The following GAS7 variants were observed in gnomAD, a reference collection of about 807,000 sequenced individuals.
GAS7 encodes the protein growth arrest-specific protein 7.
Under a neutral mutation model 71.1 loss-of-function variants are expected in GAS7, and 28 were observed. That is an observed-to-expected ratio of 0.39 (90% confidence interval 0.29 to 0.54). GAS7 has a LOEUF of 0.54. Among genes scored for constraint, GAS7 ranks in the 20% least tolerant of loss-of-function variants. GAS7 has a pLI of 0.62. For synonymous variants in GAS7, 258 were observed against 245.8 expected (o/e 1.05, Z -0.46); for missense variants, 436 against 627.8 (o/e 0.69, Z 3.27).
intron 2 of GAS7, among the ~76,000 whole-genome samples, chr17:10,017,153 T>C (rs1016522430): frequency 3.0e-5 from 4 of 134,740 alleles, no homozygotes; most frequent in African/African-American, 1.3e-4. Flanking sequence ...AATAAATAAA[T>C]AAATAAATAA....
At chr17:9,962,912 T>C (rs1048672861) in intron 4 of GAS7, among the ~76,000 whole-genome samples, 2 of 152,060 alleles carry the variant, frequency 1.3e-5, no homozygotes, top group African/African-American at 2.4e-5. Flanking sequence ...CCACATGCCC[T>C]GTCCAGCTAT....
chr17:10,061,764 G>A (rs764303153), intron 1 of GAS7, among the ~76,000 whole-genome samples: 17 of 152,072 alleles, frequency 1.1e-4, no homozygotes, highest in Non-Finnish European at 2.1e-4. Context: ...CTCCCACAGC[G>A]AACTGTGCTG....
intron 1 of GAS7, among the ~76,000 whole-genome samples, chr17:10,148,909 C>CAAA (rs752140645): frequency 0.23 from 26,909 of 116,894 alleles, 4,589 homozygotes; most frequent in African/African-American, 0.36. Context: ...GACTCCGCCT[C>CAAA]AAAAAAAAAA....
chr17:10,085,709 AGAAAG>A (rs1443673618), intron 1 of GAS7, among the ~76,000 whole-genome samples: 8 of 130,482 alleles, frequency 6.1e-5, no homozygotes, highest in Non-Finnish European at 1.1e-4. Context: ...AAAAAAAAAA[AGAAAG>A]AAAGAAAGAA....
At position 10,031,080 on chromosome 17, in the gene GAS7, C is replaced by T. The variant is rs868682092; in HGVS notation, c.184-11183G>A. Among the ~76,000 whole-genome samples the T allele has an allele frequency of 1.1e-4, 16 of 152,318 alleles. 1 individual carries two copies. The Middle Eastern group carries it at 0.027, about 259-fold the overall frequency. ...CCATCATAAGAGGTAGACATTAGGG[C>T]CATGGGAGTTTTCTCCCAGCCATGG... is the stretch of plus-strand genomic sequence containing the variant. On this transcript the variant is annotated intron_variant, in intron 1 of 13. Transcript: ENST00000432992.
At chr17:9,963,122 T>C (rs753084760) in intron 4 of GAS7, among the ~76,000 whole-genome samples, 1 of 151,690 alleles carries the variant, frequency 6.6e-6, no homozygotes, top group Admixed American at 6.6e-5. Context: ...AAACGTTCTA[T>C]CCATACGACA....
intron 1 of GAS7, among the ~76,000 whole-genome samples, chr17:10,122,720 G>A (rs1706413286): frequency 6.6e-6 from 1 of 152,164 alleles, no homozygotes; most frequent in Non-Finnish European, 1.5e-5. Context: ...TCAGACAGTT[G>A]TACAATTAAC....
intron 1 of GAS7, among the ~76,000 whole-genome samples, chr17:10,188,614 C>G (rs565926739): frequency 2.6e-5 from 4 of 152,070 alleles, no homozygotes; most frequent in African/African-American, 9.6e-5. Flanking sequence ...TAGTTGAGGA[C>G]TTTTTATATG....
chr17:10,082,628 C>T lies in GAS7; in HGVS notation c.184-62731G>A, dbSNP rs77475326. On this transcript the variant is annotated intron_variant, in intron 1 of 13. Transcript: ENST00000432992. ...AATGCATGCTTACCATATGATCCAG[C>T]AATTTCACTCCTACGTACTTATGCC... is the stretch of plus-strand genomic sequence containing the variant. Among the ~76,000 whole-genome samples, 17 of 152,308 alleles carry T rather than the reference C, an allele frequency of 1.1e-4. No homozygotes were observed. In the East Asian group the frequency reaches 2.7e-3, roughly 24 times the overall value.
chr17:10,063,170 T>C (rs1404389421), intron 1 of GAS7, among the ~76,000 whole-genome samples: 1 of 152,250 alleles, frequency 6.6e-6, no homozygotes, highest in Non-Finnish European at 1.5e-5. Context: ...AGGCAGAACT[T>C]GCTAATGCCA....
chr17:10,027,877 G>A (rs1372227342), intron 1 of GAS7, among the ~76,000 whole-genome samples: 1 of 152,084 alleles, frequency 6.6e-6, no homozygotes, highest in Non-Finnish European at 1.5e-5. Flanking sequence ...CAAAAATAAA[G>A]GTTTTTTGTT....
intron 3 of GAS7, among the ~76,000 whole-genome samples, chr17:9,980,387 T>C (rs940354176): frequency 6.6e-6 from 1 of 152,252 alleles, no homozygotes; most frequent in African/African-American, 2.4e-5. Flanking sequence ...AGTCCTGTGA[T>C]TACCTTTGGT....
intron 1 of GAS7, among the ~76,000 whole-genome samples, chr17:10,035,078 C>T (rs1411196718): frequency 6.6e-6 from 1 of 152,050 alleles, no homozygotes; most frequent in African/African-American, 2.4e-5. Flanking sequence ...CTCTGCACCC[C>T]ACACGCCCTC....
chr17:10,024,197 A>T (rs1014966832), intron 1 of GAS7, among the ~76,000 whole-genome samples: 1 of 152,102 alleles, frequency 6.6e-6, no homozygotes, highest in Admixed American at 6.6e-5. Context: ...AGACCTTCCT[A>T]CCTTCAAGTC....
chr17:10,133,411 C>T (rs953820540), intron 1 of GAS7, among the ~76,000 whole-genome samples: 2 of 152,110 alleles, frequency 1.3e-5, no homozygotes, highest in Non-Finnish European at 2.9e-5. Flanking sequence ...GTGTGAGCCA[C>T]TGCGCCTCGC....
At chr17:10,018,520 C>A (rs1038266662) in intron 2 of GAS7, among the ~76,000 whole-genome samples, 4 of 152,160 alleles carry the variant, frequency 2.6e-5, no homozygotes, top group African/African-American at 9.7e-5. Flanking sequence ...GGTAACAGTG[C>A]AAAGCTGTTC....
chr17:9,973,644 G>C (rs112048334), intron 3 of GAS7, among the ~76,000 whole-genome samples: 2,234 of 152,290 alleles, frequency 0.015, 25 homozygotes, highest in Middle Eastern at 0.034. Flanking sequence ...ATTATCAAAA[G>C]GGTTTCAAGA....
intron 1 of GAS7, among the ~76,000 whole-genome samples, chr17:10,167,179 T>A (rs942458912): frequency 6.7e-6 from 1 of 148,844 alleles, no homozygotes; most frequent in African/African-American, 2.5e-5. Context: ...TGCCTCAGCC[T>A]CCCGAGTAGC....
intron 3 of GAS7, among the ~76,000 whole-genome samples, chr17:9,970,084 T>C (rs1164134157): frequency 6.6e-6 from 1 of 152,200 alleles, no homozygotes; most frequent in South Asian, 2.1e-4. Flanking sequence ...ACCACATCAG[T>C]TGTAGTTACA....
Sources: gnomAD v4.1 joint callset for allele counts (sites outside exome capture counted in the v4.1 genomes callset) on GRCh38, gnomAD v4.1.1 for gene constraint, MANE v1.5 for transcripts, NCBI Gene and HGNC (gene_info 2026-07-23, HGNC 2026-07-21) for gene names.